EXOC4: variants seen among roughly 807,000 people sequenced by gnomAD.
The protein encoded by EXOC4 is exocyst complex component 4, also known as SEC8-like 1.
EXOC4 carries 71 observed loss-of-function variants against 107.2 expected under a neutral mutation model. That is an observed-to-expected ratio of 0.66 (90% CI 0.55 to 0.81). The LOEUF is 0.81. Among genes scored for constraint, EXOC4 ranks in the 30% least tolerant of loss-of-function variants. EXOC4 has a pLI of 0.00. For synonymous variants in EXOC4, 456 were observed against 441.2 expected, an observed-to-expected ratio of 1.03 and a Z score of -0.42; for missense variants, 1,108 against 1,189.6, an observed-to-expected ratio of 0.93 and a Z score of 1.01.
At chr7:133,895,455 C>G in intron 11 of EXOC4, 144 bp from the exon 12 acceptor site, 1 of 816,190 alleles carries the variant, frequency 1.2e-6, no homozygotes, top group Admixed American at 2.2e-5. Context: ...GCTCCTCCCC[C>G]TGTTTTGAGT....
At chr7:133,592,722 C>T (rs1801578595) in intron 9 of EXOC4, among the ~76,000 whole-genome samples, 2 of 152,168 alleles carry the variant, frequency 1.3e-5, no homozygotes, top group South Asian at 2.1e-4. Context: ...CCTGCCTTAC[C>T]CTCCCGAGTA....
At chr7:134,024,605 G>A (rs1300645338) in intron 17 of EXOC4, among the ~76,000 whole-genome samples, 4 of 151,966 alleles carry the variant, frequency 2.6e-5, no homozygotes, top group African/African-American at 7.3e-5. Flanking sequence ...TCCATTTTTG[G>A]CTACCCCTCC....
chr7:133,690,734 G>T (rs528272151), intron 10 of EXOC4, among the ~76,000 whole-genome samples: 150 of 152,242 alleles, frequency 9.9e-4, no homozygotes, highest in Non-Finnish European at 1.9e-3. Flanking sequence ...ATACATGGGA[G>T]TTCACAGAAG....
chr7:133,413,614 C>T (rs574868984), intron 7 of EXOC4, among the ~76,000 whole-genome samples: 1 of 152,176 alleles, frequency 6.6e-6, no homozygotes, highest in South Asian at 2.1e-4. Flanking sequence ...ACCTCAGATT[C>T]CTTTTGGGGA....
intron 12 of EXOC4, among the ~76,000 whole-genome samples, chr7:133,901,536 C>CTCT (rs1327213827): frequency 6.6e-6 from 1 of 152,228 alleles, no homozygotes; most frequent in Non-Finnish European, 1.5e-5. Flanking sequence ...GCTCCTCAGC[C>CTCT]TCTCTGCCTT....
chr7:134,057,097 C>T (rs1421360464), intron 17 of EXOC4, among the ~76,000 whole-genome samples: 1 of 152,132 alleles, frequency 6.6e-6, no homozygotes, highest in African/African-American at 2.4e-5. Flanking sequence ...CAAGAGGTAA[C>T]TGGTAACTGC....
At chr7:133,326,981 C>G (rs984691195) in intron 5 of EXOC4, among the ~76,000 whole-genome samples, 14 of 152,202 alleles carry the variant, frequency 9.2e-5, no homozygotes, top group Non-Finnish European at 1.6e-4. Context: ...ATGAGTGAGG[C>G]TCCATGGGCG....
chr7:133,849,979 A>G (rs1224650453), intron 11 of EXOC4, among the ~76,000 whole-genome samples: 1 of 152,228 alleles, frequency 6.6e-6, no homozygotes, highest in Non-Finnish European at 1.5e-5. Context: ...TCATCCAAGT[A>G]AGTGTATCTG....
intron 10 of EXOC4, among the ~76,000 whole-genome samples, chr7:133,705,065 T>C (rs1472395459): frequency 6.6e-6 from 1 of 152,164 alleles, no homozygotes; most frequent in Non-Finnish European, 1.5e-5. Context: ...TACTATACTT[T>C]TTAAAAATTA....
chr7:133,961,280 CTTT>C (rs34400471), intron 14 of EXOC4, among the ~76,000 whole-genome samples: 5 of 77,016 alleles, frequency 6.5e-5, no homozygotes, highest in Non-Finnish European at 8.9e-5. Context: ...TCATGTCAAA[CTTT>C]TTTTTTTTTT....
chr7:133,539,011 C>T (rs1210916749), intron 9 of EXOC4, among the ~76,000 whole-genome samples: 2 of 151,738 alleles, frequency 1.3e-5, no homozygotes, highest in African/African-American at 4.8e-5. Context: ...TAAACTGCTG[C>T]TGATCTGTCA....
chr7:133,943,961 G>A (rs561650856), intron 14 of EXOC4, among the ~76,000 whole-genome samples: 1 of 152,060 alleles, frequency 6.6e-6, no homozygotes, highest in South Asian at 2.1e-4. Flanking sequence ...TCCATGGTGG[G>A]GGTCCTGGGA....
chr7:133,849,110 G>A (rs1185636575), intron 11 of EXOC4, among the ~76,000 whole-genome samples: 1 of 152,126 alleles, frequency 6.6e-6, no homozygotes, highest in Non-Finnish European at 1.5e-5. Context: ...TCATCATACG[G>A]ATATAACAGA....
At chr7:133,970,676 C>T (rs1312592587) in intron 14 of EXOC4, among the ~76,000 whole-genome samples, 3 of 152,116 alleles carry the variant, frequency 2.0e-5, no homozygotes, top group African/African-American at 7.2e-5. Flanking sequence ...GGGCTGCATC[C>T]AGTGTCTAAC....
intron 10 of EXOC4, among the ~76,000 whole-genome samples, chr7:133,792,922 A>G (rs1406081319): frequency 6.6e-6 from 1 of 152,162 alleles, no homozygotes; most frequent in Non-Finnish European, 1.5e-5. Flanking sequence ...GTATAGAGAG[A>G]ACCAAATGGT....
At chr7:133,994,751 A>G (rs528725907) in intron 14 of EXOC4, among the ~76,000 whole-genome samples, 2 of 115,966 alleles carry the variant, frequency 1.7e-5, no homozygotes, top group African/African-American at 3.7e-5. Flanking sequence ...GGGTATGTAC[A>G]AGGTTTTGTG....
chr7:133,807,665 A>G (rs1188793675), intron 10 of EXOC4, among the ~76,000 whole-genome samples: 1 of 152,174 alleles, frequency 6.6e-6, no homozygotes, highest in Non-Finnish European at 1.5e-5. Flanking sequence ...AGAATTCCAG[A>G]CCTCTTGGAA....
chr7:133,356,787 C>G (rs1237362135), intron 6 of EXOC4, among the ~76,000 whole-genome samples: 3 of 152,088 alleles, frequency 2.0e-5, no homozygotes, highest in Non-Finnish European at 2.9e-5. Context: ...TTGAGACCAG[C>G]CTGTACTAGT....
intron 9 of EXOC4, among the ~76,000 whole-genome samples, chr7:133,612,018 A>G (rs1802085453): frequency 6.6e-6 from 1 of 152,198 alleles, no homozygotes; most frequent in South Asian, 2.1e-4. Context: ...AAGCTGTTTA[A>G]TAACAACTAT....
Sources: gnomAD v4.1 joint callset for allele counts (sites outside exome capture counted in the v4.1 genomes callset) on GRCh38, gnomAD v4.1.1 for gene constraint, MANE v1.5 for transcripts, NCBI Gene and HGNC (gene_info 2026-07-23, HGNC 2026-07-21) for gene names.